MDGA2: variants seen among roughly 807,000 people sequenced by gnomAD.
MDGA2 encodes MAM domain-containing glycosylphosphatidylinositol anchor protein 2.
In MDGA2, 40 loss-of-function variants were observed where a neutral mutation model predicts 117.8. The ratio of observed to expected loss-of-function variants is 0.34; its 90% confidence interval spans 0.26 to 0.44. The LOEUF (loss-of-function observed/expected upper bound fraction) is 0.44, where lower values mean the gene tolerates loss of function less well. Ranked by LOEUF, MDGA2 falls within the 20% of genes least tolerant of loss-of-function variation. The pLI is 1.00. For missense variants in MDGA2, 1,123 were observed against 1,250.6 expected (o/e 0.90, Z 1.54); for synonymous variants, 452 against 439.0 (o/e 1.03, Z -0.37).
intron 1 of MDGA2, among the ~76,000 whole-genome samples, chr14:47,431,455 A>T (rs1240088148): frequency 6.6e-6 from 1 of 152,080 alleles, no homozygotes; most frequent in Non-Finnish European, 1.5e-5. Flanking sequence ...GTGGAAAGAT[A>T]CATAAAATAT....
chr14:47,579,780 C>G (rs1269670568), intron 1 of MDGA2, among the ~76,000 whole-genome samples: 1 of 152,052 alleles, frequency 6.6e-6, no homozygotes, highest in Admixed American at 6.6e-5. Flanking sequence ...ACACTAAAAT[C>G]TACAATTGAA....
At chr14:46,943,842 T>G (rs540797322) in intron 9 of MDGA2, among the ~76,000 whole-genome samples, 2 of 152,224 alleles carry the variant, frequency 1.3e-5, no homozygotes, top group South Asian at 4.1e-4. Context: ...ATATGGTCAT[T>G]GTTGCAACTA....
intron 2 of MDGA2, among the ~76,000 whole-genome samples, chr14:47,267,550 C>G (rs772530050): frequency 2.0e-5 from 3 of 151,946 alleles, no homozygotes; most frequent in Non-Finnish European, 4.4e-5. Flanking sequence ...CAAATAGAAA[C>G]TTTGTCACAA....
rs577299730 is a variant in MDGA2 at position 47,030,120 on chromosome 14, G to A, written c.1819+4891C>T. On this transcript the variant is annotated intron_variant, in intron 8 of 16. Coordinates refer to ENST00000399232, the MANE Select transcript of MDGA2 (RefSeq NM_001113498.3). Reference sequence around the variant, plus strand: ...GGATTACAGGTGTGAGCCACCCCCCGCCCACATATCCTGGTTTCTTATTTA... The same window carrying A: ...GGATTACAGGTGTGAGCCACCCCCCACCCACATATCCTGGTTTCTTATTTA... 1.9e-3 allele frequency among the ~76,000 whole-genome samples: 292 copies of A among 151,404 alleles called. 1 individual carries two copies. Among genetic ancestry groups the A allele is most frequent in the African/African-American group, 6.8e-3 (283 of 41,334 alleles).
intron 7 of MDGA2, chr14:47,059,405 ATAGT>A (rs755312701): frequency 5.5e-6 from 5 of 912,488 alleles, no homozygotes; most frequent in Admixed American, 2.6e-5. Context: ...CAAATTAATG[ATAGT>A]TAGGAAAATT....
In MDGA2 at chr14:46,864,545, G is replaced by GTTTTTTTTTTTTTTTTTTTTTTTT. The variant is rs71112467; in HGVS notation, c.2752+8864_2752+8887dup. 7.8e-5 allele frequency among the ~76,000 whole-genome samples: 4 copies of GTTTTTTTTTTTTTTTTTTTTTTTT among 51,480 alleles called. 1 individual carries two copies. Among genetic ancestry groups the GTTTTTTTTTTTTTTTTTTTTTTTT allele is most frequent in the Non-Finnish European group, 1.6e-4 (4 of 25,448 alleles). The allele number at this position is 51,480 out of a possible 152,430, so 33.8% of individuals were successfully genotyped here. Reference sequence around the variant, plus strand: ...TTTGTTGCGCTTTGCAGATATTGCTGTTTTTTTTTTTTTTTTTTTTTTTTT... The same window carrying GTTTTTTTTTTTTTTTTTTTTTTTT: ...TTTGTTGCGCTTTGCAGATATTGCTGTTTTTTTTTTTTTTTTTTTTTTTTTTTTTTTTTTTTTTTTTTTTTTTTT... On this transcript the variant is annotated intron_variant, in intron 14 of 16. Coordinates refer to ENST00000399232, the MANE Select transcript of MDGA2 (RefSeq NM_001113498.3).
chr14:47,208,011 T>C (rs962569194), intron 3 of MDGA2, among the ~76,000 whole-genome samples: 2 of 152,046 alleles, frequency 1.3e-5, no homozygotes, highest in Admixed American at 6.6e-5. Flanking sequence ...AGGTCAGATG[T>C]ACTCTCTGAC....
chr14:46,917,731 C>T (rs977911278), intron 10 of MDGA2, among the ~76,000 whole-genome samples: 6 of 151,892 alleles, frequency 4.0e-5, no homozygotes, highest in African/African-American at 1.5e-4. Flanking sequence ...AGTTATACAC[C>T]AGTTTTATGA....
At chr14:47,263,684 T>A (rs1218198496) in intron 2 of MDGA2, among the ~76,000 whole-genome samples, 1 of 152,160 alleles carries the variant, frequency 6.6e-6, no homozygotes, top group African/African-American at 2.4e-5. Context: ...GGTGATCACA[T>A]CTGAATAGCA....
chr14:47,061,609 T>C, intron 6 of MDGA2, 31 bp from the exon 7 acceptor site: 1 of 1,543,602 alleles, frequency 6.5e-7, no homozygotes, highest in Non-Finnish European at 8.8e-7. Context: ...AAGGAGTTAG[T>C]GTTACTTTCA....
chr14:47,045,392 A>G (rs898638584), intron 7 of MDGA2, among the ~76,000 whole-genome samples: 1 of 152,020 alleles, frequency 6.6e-6, no homozygotes, highest in East Asian at 1.9e-4. Context: ...AACTCTTTGG[A>G]AAAAAAATAA....
chr14:47,310,977 G>A (rs1233879182), intron 1 of MDGA2, among the ~76,000 whole-genome samples: 1 of 152,096 alleles, frequency 6.6e-6, no homozygotes, highest in Non-Finnish European at 1.5e-5. Flanking sequence ...CCTGTTAATA[G>A]TGTCAGAAGC....
At chr14:47,326,252 T>G (rs1006276211) in intron 1 of MDGA2, among the ~76,000 whole-genome samples, 1 of 152,160 alleles carries the variant, frequency 6.6e-6, no homozygotes, top group Non-Finnish European at 1.5e-5. Context: ...TAATAAGATT[T>G]AAAATATATA....
At chr14:47,050,918 G>A (rs1889436122) in intron 7 of MDGA2, among the ~76,000 whole-genome samples, 1 of 151,874 alleles carries the variant, frequency 6.6e-6, no homozygotes, top group African/African-American at 2.4e-5. Flanking sequence ...TTGGAATATG[G>A]CTCTGATAAT....
chr14:47,006,216 A>T (rs1887703754), intron 8 of MDGA2, among the ~76,000 whole-genome samples: 1 of 151,208 alleles, frequency 6.6e-6, no homozygotes, highest in Admixed American at 6.6e-5. Flanking sequence ...ATGGTCAGTT[A>T]ATCTCAGGTA....
chr14:47,569,905 T>G (rs1369788577), intron 1 of MDGA2, among the ~76,000 whole-genome samples: 1 of 152,210 alleles, frequency 6.6e-6, no homozygotes, highest in Non-Finnish European at 1.5e-5. Context: ...ACTGTAAATC[T>G]GCTTTTAAAG....
intron 9 of MDGA2, among the ~76,000 whole-genome samples, chr14:46,949,341 C>T (rs1885286900): frequency 6.6e-6 from 1 of 151,914 alleles, no homozygotes; most frequent in African/African-American, 2.4e-5. Context: ...TAATTTGATA[C>T]TGTGATTTCT....
At chr14:47,311,843 A>AT (rs1427611541) in intron 1 of MDGA2, among the ~76,000 whole-genome samples, 4 of 152,062 alleles carry the variant, frequency 2.6e-5, no homozygotes, top group Non-Finnish European at 4.4e-5. Context: ...ACATTTTGTG[A>AT]TTTTTTATAT....
At chr14:47,237,244 TA>T (rs932042004) in intron 2 of MDGA2, among the ~76,000 whole-genome samples, 9 of 150,180 alleles carry the variant, frequency 6.0e-5, no homozygotes, top group South Asian at 4.2e-4. Context: ...TTCCCTGACT[TA>T]AAAAAAAAAT....
Sources: gnomAD v4.1 joint callset for allele counts (sites outside exome capture counted in the v4.1 genomes callset) on GRCh38, gnomAD v4.1.1 for gene constraint, MANE v1.5 for transcripts, NCBI Gene and HGNC (gene_info 2026-07-23, HGNC 2026-07-21) for gene names.